CACTIN: variants seen among roughly 807,000 people sequenced by gnomAD.
CACTIN encodes splicing factor Cactin.
In CACTIN, 20 loss-of-function variants were observed where a neutral mutation model predicts 84.9. The ratio of observed to expected loss-of-function variants is 0.24; its 90% CI spans 0.17 to 0.34. The LOEUF is 0.34. Among genes scored for constraint, CACTIN ranks in the 10% least tolerant of loss-of-function variants. The pLI, the probability that CACTIN is intolerant of heterozygous loss-of-function variation, is 1.00. For synonymous variants in CACTIN, 549 were observed against 467.9 expected, an observed-to-expected ratio of 1.17 and a Z score of -2.24; for missense variants, 897 against 1,117.2, an observed-to-expected ratio of 0.80 and a Z score of 2.81.
chr19:3,626,501 C>T, intron 1 of CACTIN, 95 bp downstream of exon 1: 1 of 1,213,930 alleles, frequency 8.2e-7, no homozygotes, highest in Non-Finnish European at 1.1e-6. Context: ...CCGAGTAAGT[C>T]GGGGGTTTCC....
At chr19:3,620,408 G>A (rs1223254567) in intron 3 of CACTIN, 136 bp from the exon 4 acceptor site, 2 of 1,033,772 alleles carry the variant, frequency 1.9e-6, no homozygotes, top group South Asian at 1.4e-5. Context: ...TGCCTGGGCT[G>A]GTGGACAGAC....
At position 3,626,529 on chromosome 19, in the gene CACTIN, C is replaced by T. The variant is rs910926749; in HGVS notation, c.167+67G>A. On this transcript the variant is annotated intron_variant, in intron 1 of 9. Transcript: ENST00000429344. The stretch of plus-strand genomic sequence containing the variant: ...GGGTTTCCCGGTTCCCCGGGATCTC[C>T]AACCCTCGGTCGGGCGCTCCTGAGG... 3.1e-6 allele frequency: 4 copies of T among 1,292,700 alleles called. No individual in the cohort carries two copies. In the African/African-American group the frequency reaches 6.2e-5, roughly 20 times the overall value. 80.1% of individuals were successfully genotyped at this position (1,292,700 alleles called of 1,614,324 possible). A position where few individuals can be genotyped will look rare whatever the true frequency, so the allele number is the denominator to read the frequency against.
rs1313709774 is a variant in CACTIN, at chr19:3,619,106, T to C, written c.1021A>G (p.Met341Val). The change falls in exon 5 of 10, where the codon ATG becomes GTG. Residue 341 changes from methionine to valine, a missense_variant. Physicochemically the swap from Met to Val is conservative, Grantham distance 21. Transcript: ENST00000429344. ...TFLNGLTVAD[M>V]EDLLEDIQVY... Reference sequence around the variant, plus strand: ...TGGATATCCTCCAGCAGGTCCTCCATGTCGGCCACGGTGAGGCCGTTGAGG... The same window carrying C: ...TGGATATCCTCCAGCAGGTCCTCCACGTCGGCCACGGTGAGGCCGTTGAGG... The C allele has an allele frequency of 4.4e-6, 7 of 1,574,602 alleles. No homozygotes were observed. The highest frequency in any genetic ancestry group is 1.9e-5 in the Admixed American group (1 of 53,170).
chr19:3,625,873 T>C (rs1468190625), intron 1 of CACTIN, among the ~76,000 whole-genome samples: 2 of 152,142 alleles, frequency 1.3e-5, no homozygotes, highest in Non-Finnish European at 2.9e-5. Context: ...TTTTGGTTTC[T>C]CTGTACTGGA....
At position 3,626,754 on chromosome 19, in the gene CACTIN, C is replaced by T; in HGVS notation, c.9G>A (p.Arg3=). 1 of 1,447,188 alleles carries T rather than the reference C, an allele frequency of 6.9e-7. No individual in the cohort carries two copies. Among genetic ancestry groups the T allele is most frequent in the Non-Finnish European group, 9.1e-7 (1 of 1,103,998 alleles). 89.6% of individuals were successfully genotyped at this position (1,447,188 alleles called of 1,614,324 possible). Residue 3 remains arginine, a synonymous_variant, in exon 1 of 10, where the codon CGG becomes CGA. Coordinates refer to ENST00000429344, the MANE Select transcript of CACTIN (RefSeq NM_001080543.2). MG[R]DTRSRSRSAG... is the part of the protein sequence containing the mutation. ...CGGACCGCGAGCGCGAGCGTGTGTC[C>T]CGACCCATCGGCTGGGCCAGTGGCC...
Position 3,626,627 on chromosome 19 carries a change from G to T in CACTIN, c.136C>A (p.Arg46Ser). The T allele has an allele frequency of 6.5e-7, 1 of 1,530,972 alleles. No individual in the cohort carries two copies. Among genetic ancestry groups the T allele is most frequent in the East Asian group, 2.7e-5 (1 of 37,572 alleles). 94.8% of individuals were successfully genotyped at this position (1,530,972 alleles called of 1,614,324 possible). A position where few individuals can be genotyped will look rare whatever the true frequency, so the allele number is the denominator to read the frequency against. Residue 46 changes from arginine to serine, a missense_variant, in exon 1 of 10, where the codon CGC becomes AGC. By Grantham distance (110) the Arg-to-Ser change is moderately radical (BLOSUM62 -1). Coordinates refer to ENST00000429344, the MANE Select transcript of CACTIN (RefSeq NM_001080543.2). ...TCCCGGCTCCGCCGCCTCCGTCTGC[G>T]CCGTCCCTCGTCCTCCCGGCGCCGT... ...NRRRREDEGR[R>S]RRRRRSRERR...
In CACTIN at chr19:3,610,900, G is replaced by A. The variant is rs2032931952; in HGVS notation, c.*1023C>T. ...GTTGGAGATGTTCCCGTCGGATGCTGAAGAACAAGCCTGCCGGCTGGGCCA... is the reference window on the plus strand; with the variant it reads ...GTTGGAGATGTTCCCGTCGGATGCTAAAGAACAAGCCTGCCGGCTGGGCCA... On this transcript the variant is annotated 3_prime_UTR_variant, in exon 10 of 10. Transcript: ENST00000429344. The A allele has an allele frequency of 2.2e-6, 1 of 456,672 alleles. No homozygotes were observed. The highest frequency in any genetic ancestry group is 2.0e-5 in the African/African-American group (1 of 50,092). 28.3% of individuals were successfully genotyped at this position (456,672 alleles called of 1,614,324 possible).
Position 3,610,681 on chromosome 19 carries a change from G to T in CACTIN, c.*1242C>A. The T allele has an allele frequency of 6.6e-6, 3 of 454,320 alleles. No individual in the cohort carries two copies. The highest frequency in any genetic ancestry group is 4.7e-5 in the South Asian group (3 of 63,922). 28.1% of individuals were successfully genotyped at this position (454,320 alleles called of 1,614,324 possible). On this transcript the variant is annotated 3_prime_UTR_variant, in exon 10 of 10. Coordinates refer to ENST00000429344, the MANE Select transcript of CACTIN (RefSeq NM_001080543.2). ...TACAACGTTTATTAAAAAAACATGCGATCTTGCCAATAGGCCAATTCCATG... is the reference window on the plus strand; with the variant it reads ...TACAACGTTTATTAAAAAAACATGCTATCTTGCCAATAGGCCAATTCCATG...
In CACTIN at chr19:3,623,593, C is replaced by A. The variant is rs1270857739; in HGVS notation, c.642+95G>T. On this transcript the variant is annotated intron_variant, in intron 2 of 9. Transcript: ENST00000429344. ...TGTGTGTGTAAAACCAACTCTTGCA[C>A]GATCAAGGGCAGGCTGGGAGTGTCT... 10 of 1,140,454 alleles carry A rather than the reference C, an allele frequency of 8.8e-6. No homozygotes were observed. The South Asian group carries it at 1.4e-4, about 16-fold the overall frequency. The allele number at this position is 1,140,454 out of a possible 1,614,324, so 70.6% of individuals were successfully genotyped here.
At position 3,618,898 on chromosome 19, in the gene CACTIN, A is replaced by T. The variant is rs1031477859; in HGVS notation, c.1139T>A (p.Leu380Gln). 6 of 1,554,470 alleles carry T rather than the reference A, an allele frequency of 3.9e-6. No individual in the cohort carries two copies. The highest frequency in any genetic ancestry group is 5.2e-6 in the Non-Finnish European group (6 of 1,148,788). ...ACCTGGCCCCTTGCCCGAGGCCTCC[A>T]GCTTGCGGAGCTTGGAGATCTCGTC... is the stretch of plus-strand genomic sequence containing the variant. ...TEDEISKLRKLEASGKGPGER... is the reference protein window; with the variant it reads ...TEDEISKLRKQEASGKGPGER... Residue 380 changes from leucine (L) to glutamine (Q), a missense_variant, in exon 6 of 10, where the codon CTG becomes CAG. Physicochemically the swap from Leu to Gln is moderately radical, Grantham distance 113 (BLOSUM62 -2). Around this residue, in one of 8 missense-constraint regions of CACTIN, gnomAD observed 304 missense variants for 444.3 expected, o/e 0.68. Coordinates refer to ENST00000429344, the MANE Select transcript of CACTIN (RefSeq NM_001080543.2).
rs376179124 is a variant in CACTIN at position 3,620,287 on chromosome 19, G to A, written c.739-15C>T. 1.6e-4 allele frequency: 253 copies of A among 1,554,190 alleles called. No homozygotes were observed. Among genetic ancestry groups the A allele is most frequent in the Non-Finnish European group, 2.1e-4 (242 of 1,155,746 alleles). On this transcript the variant is annotated splice_polypyrimidine_tract_variant and intron_variant, in intron 3 of 9. Coordinates refer to ENST00000429344, the MANE Select transcript of CACTIN (RefSeq NM_001080543.2). ...AGCTGCTTCACCTGCAGGCACAGGA[G>A]GCTGAGGGCAGCGGGGACCGTGCGG...
intron 3 of CACTIN, 132 bp downstream of exon 3, chr19:3,620,561 GCCATGGTCTGAGCC>G: frequency 1.5e-6 from 1 of 675,996 alleles, no homozygotes; most frequent in Non-Finnish European, 2.5e-6. Flanking sequence ...GTTTCCTGGG[GCCATGGTCTGAGCC>G]CCTGGATCCA....
At chr19:3,621,381 G>C (rs918576750) in intron 2 of CACTIN, among the ~76,000 whole-genome samples, 1 of 152,054 alleles carries the variant, frequency 6.6e-6, no homozygotes, top group Admixed American at 6.5e-5. Context: ...TCCAGCAGCT[G>C]TCTGAGAGCC....
At chr19:3,612,921 G>A in intron 9 of CACTIN, 137 bp downstream of exon 9, 1 of 1,100,346 alleles carries the variant, frequency 9.1e-7, no homozygotes. Context: ...CGGAATGCAC[G>A]CTCAGAGACC....
rs1269166066 is a variant in CACTIN at position 3,623,868 on chromosome 19, C to T, written c.462G>A (p.Glu154=). The T allele has an allele frequency of 5.0e-6, 8 of 1,609,704 alleles. No homozygotes were observed. The highest frequency in any genetic ancestry group is 6.8e-6 in the Non-Finnish European group (8 of 1,179,858). Residue 154 remains glutamate, a synonymous_variant, in exon 2 of 10, where the codon GAG becomes GAA. Transcript: ENST00000429344. ...LRLREERKQQ[E]ELMKAFETPE... is the part of the protein sequence containing the mutation. Reference sequence around the variant, plus strand: ...GCGTCTCGAAGGCCTTCATCAGCTCCTCCTGCTGCTTCCGCTCCTCCCGCA... The same window carrying T: ...GCGTCTCGAAGGCCTTCATCAGCTCTTCCTGCTGCTTCCGCTCCTCCCGCA...
In CACTIN at chr19:3,611,720, C is replaced by G. The variant is rs1272342933; in HGVS notation, c.*203G>C. 2.8e-6 allele frequency: 2 copies of G among 704,580 alleles called. No individual in the cohort carries two copies. Among genetic ancestry groups the G allele is most frequent in the Non-Finnish European group, 4.9e-6 (2 of 408,960 alleles). 43.6% of individuals were successfully genotyped at this position (704,580 alleles called of 1,614,324 possible). On this transcript the variant is annotated 3_prime_UTR_variant, in exon 10 of 10. Coordinates refer to ENST00000429344, the MANE Select transcript of CACTIN (RefSeq NM_001080543.2). ...CTAGGCCAGCCTGTCCCAGTGTCTC[C>G]TCAGCTCACCATGGCAGGCTCAATG...
At chr19:3,621,607 C>T (rs1363410600) in intron 2 of CACTIN, among the ~76,000 whole-genome samples, 1 of 152,222 alleles carries the variant, frequency 6.6e-6, no homozygotes, top group Non-Finnish European at 1.5e-5. Context: ...CATCTTCCTC[C>T]TCCATGGCTG....
At chr19:3,618,221 G>T (rs968451653) in intron 6 of CACTIN, among the ~76,000 whole-genome samples, 1 of 150,930 alleles carries the variant, frequency 6.6e-6, no homozygotes, top group Non-Finnish European at 1.5e-5. Flanking sequence ...GCCCCCAGGG[G>T]ACTCTGGGCA....
rs1014842763 is a variant in CACTIN at position 3,611,896 on chromosome 19, A to G, written c.*27T>C. ...AAGCCCCTTTACTGTGCCCCCGAGG[A>G]CACCTGCCTGCCGTTCCCCAGGGCC... is the stretch of plus-strand genomic sequence containing the variant. On this transcript the variant is annotated 3_prime_UTR_variant, in exon 10 of 10. Transcript: ENST00000429344. The G allele has an allele frequency of 3.1e-6, 5 of 1,609,432 alleles. No homozygotes were observed. The highest frequency in any genetic ancestry group is 4.2e-6 in the Non-Finnish European group (5 of 1,179,060).
Sources: gnomAD v4.1 joint callset for allele counts (sites outside exome capture counted in the v4.1 genomes callset) on GRCh38, gnomAD v4.1.1 for gene constraint, gnomAD v4.1.1 regional missense constraint, MANE v1.5 for transcripts, NCBI Gene and HGNC (gene_info 2026-07-23, HGNC 2026-07-21) for gene names.